The following PHTF2 variants were observed in gnomAD, a reference collection of about 807,000 sequenced individuals.
PHTF2 encodes putative homeodomain transcription factor 2.
A neutral mutation model predicts 101.2 loss-of-function variants in PHTF2; 60 were observed. The ratio of observed to expected loss-of-function variants is 0.59; its 90% CI spans 0.48 to 0.73. The LOEUF is 0.73. Among genes scored for constraint, PHTF2 ranks in the 30% least tolerant of loss-of-function variants. The probability of loss-of-function intolerance (pLI) is 0.00; values close to 1 mark genes in which losing one functional copy is unlikely to be tolerated. For missense variants in PHTF2, 747 were observed against 908.7 expected (o/e 0.82, Z 2.29); for synonymous variants, 311 against 307.3 (o/e 1.01, Z -0.13).
chr7:77,954,612 G>GTGTGTATATATATATA lies in PHTF2; in HGVS notation c.2338-245_2338-244insGTGTATATATATATAT, dbSNP rs1426693429. Among the ~76,000 whole-genome samples the GTGTGTATATATATATA allele has an allele frequency of 4.4e-3, 398 of 90,108 alleles. 4 individuals are homozygous for GTGTGTATATATATATA. The highest frequency in any genetic ancestry group is 0.018 in the Middle Eastern group (2 of 114). The allele number at this position is 90,108 out of a possible 152,430, so 59.1% of individuals were successfully genotyped here. A position where few individuals can be genotyped will look rare whatever the true frequency, so the allele number is the denominator to read the frequency against. On this transcript the variant is annotated intron_variant, in intron 19 of 19. Transcript: ENST00000416283. ...GATAATCATATTAAACAAGTACTGT[G>GTGTGTATATATATATA]TATATATATATATATATATATATAT...
At chr7:77,896,490 G>A (rs539983596) in intron 5 of PHTF2, among the ~76,000 whole-genome samples, 11 of 152,282 alleles carry the variant, frequency 7.2e-5, no homozygotes, top group Admixed American at 3.9e-4. Flanking sequence ...GGAGTTCGAG[G>A]CTGTAGTGAG....
chr7:77,895,246 A>G (rs974618853), intron 5 of PHTF2: 6 of 425,572 alleles, frequency 1.4e-5, no homozygotes, highest in Non-Finnish European at 2.3e-5. Flanking sequence ...TTATATAGAT[A>G]TAGCTATAGG....
At chr7:77,935,281 G>A (rs1805015961) in intron 12 of PHTF2, among the ~76,000 whole-genome samples, 1 of 140,392 alleles carries the variant, frequency 7.1e-6, no homozygotes, top group Admixed American at 7.4e-5. Flanking sequence ...GGAGTGCAGT[G>A]GCGCGATCTC....
At chr7:77,876,849 GA>G (rs922315875) in intron 3 of PHTF2, among the ~76,000 whole-genome samples, 4 of 152,190 alleles carry the variant, frequency 2.6e-5, no homozygotes, top group Non-Finnish European at 5.9e-5. Flanking sequence ...CATAATTTAA[GA>G]GTGTGTTTTA....
At chr7:77,836,943 T>A (rs112455803) in intron 1 of PHTF2, among the ~76,000 whole-genome samples, 198 of 145,732 alleles carry the variant, frequency 1.4e-3, no homozygotes, top group African/African-American at 4.4e-3. Context: ...TCTGCACATG[T>A]ACCCCAAAAC....
rs562545573 is a variant in PHTF2, at chr7:77,869,035, T to C, written c.147+14201T>C. Among the ~76,000 whole-genome samples the C allele has an allele frequency of 6.6e-5, 10 of 152,324 alleles. No individual in the cohort carries two copies. The East Asian group carries it at 1.9e-3, about 29-fold the overall frequency. ...AAAAAGCAAAAAAACAAAAAAGATCTTTGGAATAGAACATCCTGTCTTTCA... is the reference window on the plus strand; with the variant it reads ...AAAAAGCAAAAAAACAAAAAAGATCCTTGGAATAGAACATCCTGTCTTTCA... On this transcript the variant is annotated intron_variant, in intron 3 of 19. Coordinates refer to ENST00000416283, the Ensembl canonical transcript of PHTF2.
At chr7:77,923,822 C>T (rs1803706579) in intron 11 of PHTF2, 1 of 985,276 alleles carries the variant, frequency 1.0e-6, no homozygotes. Context: ...ATTTTTCTCA[C>T]TCCATGATCT....
intron 15 of PHTF2, 132 bp downstream of exon 14, chr7:77,940,791 T>C: frequency 1.7e-6 from 1 of 589,984 alleles, no homozygotes; most frequent in East Asian, 3.0e-5. Context: ...GGATTAGGGA[T>C]TTTGTTTCTA....
rs150760830 is a variant in PHTF2 at position 77,802,374 on chromosome 7, T to C, written c.-36+3403T>C. Among the ~76,000 whole-genome samples the C allele has an allele frequency of 2.6e-5, 4 of 152,334 alleles. No individual in the cohort carries two copies. The East Asian group carries it at 7.7e-4, about 29-fold the overall frequency. The stretch of plus-strand genomic sequence containing the variant: ...TTATTTAATATTCACCTTCCAATAC[T>C]TACTTTCCCAGTTCAAATTAAGACT... On this transcript the variant is annotated intron_variant, in intron 1 of 19. Transcript: ENST00000416283.
intron 12 of PHTF2, among the ~76,000 whole-genome samples, chr7:77,935,127 C>T (rs796572606): frequency 1.8e-4 from 12 of 68,386 alleles, no homozygotes; most frequent in Admixed American, 3.2e-4. Flanking sequence ...CATTCCCCCC[C>T]CCCACACACA....
intron 1 of PHTF2, among the ~76,000 whole-genome samples, chr7:77,799,466 G>A (rs534217594): frequency 6.6e-6 from 1 of 152,306 alleles, no homozygotes; most frequent in South Asian, 2.1e-4. Context: ...TGGAGGAGGT[G>A]GAAGGAGGGT....
intron 3 of PHTF2, among the ~76,000 whole-genome samples, chr7:77,890,134 G>A (rs1012861611): frequency 6.7e-5 from 10 of 150,042 alleles, no homozygotes; most frequent in African/African-American, 1.5e-4. Flanking sequence ...ATTTTATCCT[G>A]TGGCTTTTTT....
intron 9 of PHTF2, among the ~76,000 whole-genome samples, chr7:77,913,904 A>C (rs569764661): frequency 1.3e-3 from 195 of 152,094 alleles, no homozygotes; most frequent in Non-Finnish European, 2.0e-3. Flanking sequence ...GGTCAAATTA[A>C]AATACAAAAA....
intron 9 of PHTF2, among the ~76,000 whole-genome samples, chr7:77,911,738 T>G (rs576822055): frequency 6.6e-6 from 1 of 152,350 alleles, no homozygotes; most frequent in East Asian, 1.9e-4. Flanking sequence ...TAACATGGCA[T>G]TAAGTGAAAA....
At chr7:77,896,918 T>C (rs1243350450) in intron 5 of PHTF2, among the ~76,000 whole-genome samples, 1 of 152,212 alleles carries the variant, frequency 6.6e-6, no homozygotes, top group Non-Finnish European at 1.5e-5. Context: ...TTGGAAATGT[T>C]TATTTTTCAA....
chr7:77,873,793 A>G (rs1293596219), intron 3 of PHTF2, among the ~76,000 whole-genome samples: 1 of 152,160 alleles, frequency 6.6e-6, no homozygotes, highest in Admixed American at 6.5e-5. Context: ...TCAGGGTCGC[A>G]TTCTTTTCTA....
intron 5 of PHTF2, among the ~76,000 whole-genome samples, chr7:77,896,310 A>C (rs937892159): frequency 6.6e-5 from 10 of 152,138 alleles, no homozygotes. Context: ...AAATCCCAAC[A>C]CTTTAGGAGG....
intron 2 of PHTF2, among the ~76,000 whole-genome samples, chr7:77,852,805 A>G (rs35338509): frequency 0.17 from 25,128 of 152,178 alleles, 2,407 homozygotes; most frequent in African/African-American, 0.26. Context: ...TTGTTTGTCT[A>G]GGAAAGTATT....
chr7:77,873,408 C>A (rs1798679109), intron 3 of PHTF2, among the ~76,000 whole-genome samples: 1 of 152,150 alleles, frequency 6.6e-6, no homozygotes, highest in Non-Finnish European at 1.5e-5. Context: ...AAAACTCAAG[C>A]AGTTCTTTTT....
Sources: allele counts gnomAD v4.1 joint callset (sites outside exome capture counted in the v4.1 genomes callset), GRCh38; gene constraint gnomAD v4.1.1; transcripts MANE v1.5; gene names NCBI Gene and HGNC (gene_info 2026-07-23, HGNC 2026-07-21).